Variants in PPM1H observed in about 807,000 individuals in gnomAD.
The protein encoded by PPM1H is protein phosphatase, Mg2+/Mn2+ dependent 1H.
A neutral mutation model predicts 54.9 loss-of-function variants in PPM1H; 27 were observed. That is an observed-to-expected ratio of 0.49 (90% CI 0.36 to 0.68). The LOEUF (loss-of-function observed/expected upper bound fraction) is 0.68. PPM1H is among the 30% of genes least tolerant of loss of function. The probability of loss-of-function intolerance (pLI) is 0.00; values close to 1 mark genes in which losing one functional copy is unlikely to be tolerated. For synonymous variants in PPM1H, 305 were observed against 270.8 expected, an observed-to-expected ratio of 1.13 and a Z score of -1.24; for missense variants, 596 against 667.8, an observed-to-expected ratio of 0.89 and a Z score of 1.19.
At chr12:62,811,274 G>A (rs1192099932) in intron 2 of PPM1H, among the ~76,000 whole-genome samples, 2 of 152,210 alleles carry the variant, frequency 1.3e-5, no homozygotes, top group African/African-American at 2.4e-5. Context: ...TGTACTGTAT[G>A]TTTTAAAAAT....
chr12:62,868,999 C>G (rs1869883124), intron 1 of PPM1H, among the ~76,000 whole-genome samples: 1 of 152,216 alleles, frequency 6.6e-6, no homozygotes, highest in Non-Finnish European at 1.5e-5. Flanking sequence ...ACTGTACCCA[C>G]TGTGTGCTGT....
intron 1 of PPM1H, among the ~76,000 whole-genome samples, chr12:62,886,007 A>G (rs78620684): frequency 0.059 from 8,966 of 152,294 alleles, 917 homozygotes; most frequent in African/African-American, 0.2. Flanking sequence ...TTTACCTTAA[A>G]TAAAGGTGAA....
intron 1 of PPM1H, among the ~76,000 whole-genome samples, chr12:62,923,773 G>T (rs2121173690): frequency 6.6e-6 from 1 of 152,288 alleles, no homozygotes; most frequent in South Asian, 2.1e-4. Context: ...GAGGCAGCAG[G>T]CCCCACTGTG....
rs74604700 is a variant in PPM1H, at chr12:62,664,751, C to T, written c.1397+2427G>A. Among the ~76,000 whole-genome samples, 26 of 152,252 alleles carry T rather than the reference C, an allele frequency of 1.7e-4. No homozygotes were observed. The East Asian group carries it at 4.2e-3, about 25-fold the overall frequency. On this transcript the variant is annotated intron_variant, in intron 9 of 9. Coordinates refer to ENST00000228705, the MANE Select transcript of PPM1H (RefSeq NM_020700.2). ...ATTTCCTGTGGGATCATTTCCTTTT[C>T]TTACCTGAGCACACCCTGTAGAAAT...
chr12:62,817,060 G>GCAAGAGTT (rs2076870196), intron 2 of PPM1H, among the ~76,000 whole-genome samples: 1 of 133,534 alleles, frequency 7.5e-6, no homozygotes, highest in Non-Finnish European at 1.5e-5. Flanking sequence ...TTAATCACTG[G>GCAAGAGTT]CAAGAGTTCT....
At chr12:62,784,215 G>A (rs1014537731) in intron 4 of PPM1H, among the ~76,000 whole-genome samples, 14 of 152,130 alleles carry the variant, frequency 9.2e-5, no homozygotes, top group East Asian at 5.8e-4. Context: ...ATCAGGGCAC[G>A]GACCAGACCA....
intron 4 of PPM1H, among the ~76,000 whole-genome samples, chr12:62,763,926 C>T (rs111372938): frequency 7.9e-5 from 12 of 152,246 alleles, no homozygotes; most frequent in African/African-American, 2.4e-4. Flanking sequence ...AGAGAGCCGA[C>T]GTCCTAAGAT....
At chr12:62,734,556 T>C (rs1232628663) in intron 5 of PPM1H, among the ~76,000 whole-genome samples, 1 of 152,200 alleles carries the variant, frequency 6.6e-6, no homozygotes, top group Non-Finnish European at 1.5e-5. Flanking sequence ...TCCCAAAATA[T>C]ACCGCTGACA....
At chr12:62,755,350 A>C (rs1592581689) in intron 4 of PPM1H, 1 of 1,091,304 alleles carries the variant, frequency 9.2e-7, no homozygotes, top group East Asian at 2.4e-5. Context: ...CCTCAACTAC[A>C]TGGTCTGTGT....
chr12:62,865,266 G>A (rs1308045874), intron 1 of PPM1H, among the ~76,000 whole-genome samples: 1 of 152,070 alleles, frequency 6.6e-6, no homozygotes, highest in East Asian at 1.9e-4. Flanking sequence ...CAGCTCCCCA[G>A]AATAACTCTC....
At chr12:62,658,559 T>C (rs74095848) in intron 9 of PPM1H, among the ~76,000 whole-genome samples, 1,676 of 152,244 alleles carry the variant, frequency 0.011, 24 homozygotes, top group African/African-American at 0.039. Flanking sequence ...TTTCCAGGTT[T>C]GAGTGCCTTC....
At chr12:62,823,762 G>A (rs947220779) in intron 2 of PPM1H, among the ~76,000 whole-genome samples, 1 of 152,116 alleles carries the variant, frequency 6.6e-6, no homozygotes, top group Non-Finnish European at 1.5e-5. Context: ...AATAATAGGA[G>A]CTATTTATGA....
In PPM1H at chr12:62,932,628, C is replaced by CTTTTTTTTTTTTTTTT. The variant is rs61003358; in HGVS notation, c.245+1848_245+1863dup. Reference sequence around the variant, plus strand: ...CTGTCTCGTAAAGGGTCCAAATGGGCTTTTTTTTTTTTTTTTTTTTTTTGA... The same window carrying CTTTTTTTTTTTTTTTT: ...CTGTCTCGTAAAGGGTCCAAATGGGCTTTTTTTTTTTTTTTTTTTTTTTTTTTTTTTTTTTTTTTGA... On this transcript the variant is annotated intron_variant, in intron 1 of 9. Coordinates refer to ENST00000228705, the MANE Select transcript of PPM1H (RefSeq NM_020700.2). Among the ~76,000 whole-genome samples, 198 of 54,006 alleles carry CTTTTTTTTTTTTTTTT rather than the reference C, an allele frequency of 3.7e-3. 59 individuals carry two copies. Among genetic ancestry groups the CTTTTTTTTTTTTTTTT allele is most frequent in the East Asian group, 4.0e-3 (7 of 1,756 alleles). The allele number at this position is 54,006 out of a possible 152,430, so 35.4% of individuals were successfully genotyped here. A position where few individuals can be genotyped will look rare whatever the true frequency, so the allele number is the denominator to read the frequency against.
At chr12:62,838,305 G>C (rs1033830572) in intron 1 of PPM1H, among the ~76,000 whole-genome samples, 1 of 146,554 alleles carries the variant, frequency 6.8e-6, no homozygotes, top group Non-Finnish European at 1.5e-5. Flanking sequence ...ATATAACTAG[G>C]AGGTAGACAG....
intron 1 of PPM1H, among the ~76,000 whole-genome samples, chr12:62,891,104 CAAAA>C (rs71450596): frequency 1.3e-5 from 1 of 76,102 alleles, no homozygotes; most frequent in African/African-American, 5.1e-5. Flanking sequence ...GCAAGACTCT[CAAAA>C]AAAAAAAAAA....
chr12:62,785,861 GAAAAA>G (rs35904349), intron 4 of PPM1H, among the ~76,000 whole-genome samples: 2 of 129,424 alleles, frequency 1.5e-5, no homozygotes, highest in African/African-American at 5.4e-5. Context: ...TAAAAATGAG[GAAAAA>G]AAAAAAAAAA....
chr12:62,804,063 ATT>A (rs2076789308), intron 2 of PPM1H, among the ~76,000 whole-genome samples: 4 of 152,230 alleles, frequency 2.6e-5, no homozygotes, highest in Admixed American at 6.5e-5. Flanking sequence ...CTCATATCAT[ATT>A]TCATGGTGAA....
At chr12:62,770,481 T>G (rs542317153) in intron 4 of PPM1H, among the ~76,000 whole-genome samples, 24 of 152,340 alleles carry the variant, frequency 1.6e-4, no homozygotes, top group African/African-American at 5.5e-4. Context: ...TTCCTATCTG[T>G]TTTACATACT....
intron 6 of PPM1H, 93 bp from the exon 7 acceptor site, chr12:62,694,092 A>G: frequency 8.8e-7 from 1 of 1,131,872 alleles, no homozygotes; most frequent in Non-Finnish European, 1.3e-6. Flanking sequence ...ATTTTCCCTG[A>G]GACCCCATCC....
Sources: gnomAD v4.1 joint callset for allele counts (sites outside exome capture counted in the v4.1 genomes callset) on GRCh38, gnomAD v4.1.1 for gene constraint, MANE v1.5 for transcripts, NCBI Gene and HGNC (gene_info 2026-07-23, HGNC 2026-07-21) for gene names.